AOPEP: variants seen among roughly 807,000 people sequenced by gnomAD.
AOPEP encodes aminopeptidase O.
Under a neutral mutation model 98.1 loss-of-function variants are expected in AOPEP, and 77 were observed. The observed-to-expected ratio is 0.78, with a 90% confidence interval of 0.65 to 0.95. AOPEP has a LOEUF of 0.95. Among genes scored for constraint, AOPEP ranks in the 40% least tolerant of loss-of-function variants. The pLI is 0.00. For missense variants in AOPEP, 1,024 were observed against 1,024.7 expected (o/e 1.00, Z 0.01); for synonymous variants, 346 against 365.3 (o/e 0.95, Z 0.60).
Position 94,867,932 on chromosome 9 carries a change from A to G in AOPEP, c.1365-56054A>G, listed in dbSNP as rs574386983. 3.9e-5 allele frequency among the ~76,000 whole-genome samples: 6 copies of G among 152,320 alleles called. No individual in the cohort carries two copies. In the South Asian group the frequency reaches 1.2e-3, roughly 32 times the overall value. ...CTATAACTTCAGACCAGCCAGGAAAATGAGAGGCCGGACAGAGTAACATGT... is the reference window on the plus strand; with the variant it reads ...CTATAACTTCAGACCAGCCAGGAAAGTGAGAGGCCGGACAGAGTAACATGT... On this transcript the variant is annotated intron_variant, in intron 5 of 16. Transcript: ENST00000375315.
chr9:94,881,044 G>A lies in AOPEP; in HGVS notation c.1365-42942G>A, dbSNP rs2047523705. 2.0e-5 allele frequency among the ~76,000 whole-genome samples: 3 copies of A among 152,276 alleles called. No individual in the cohort carries two copies. The South Asian group carries it at 6.2e-4, about 32-fold the overall frequency. ...AGCAGGGTTAAGTAGGTTTTAGATG[G>A]AGTAGCATTTTAGATGGAGGTCAGA... On this transcript the variant is annotated intron_variant, in intron 5 of 16. Transcript: ENST00000375315.
intron 13 of AOPEP, among the ~76,000 whole-genome samples, chr9:95,026,669 AACATATGC>A (rs1278584904): frequency 1.3e-5 from 2 of 152,228 alleles, no homozygotes; most frequent in African/African-American, 4.8e-5. Context: ...TTGTTAAATG[AACATATGC>A]TTTTACCTCT....
chr9:94,967,204 A>G (rs1052615204), intron 9 of AOPEP, among the ~76,000 whole-genome samples: 1 of 152,216 alleles, frequency 6.6e-6, no homozygotes, highest in Non-Finnish European at 1.5e-5. Flanking sequence ...TCAAATGTCC[A>G]GTGACCGAGG....
intron 6 of AOPEP, 108 bp from the exon 7 acceptor site, chr9:94,928,316 CA>C (rs1450007051): frequency 5.3e-6 from 4 of 758,540 alleles, no homozygotes. Flanking sequence ...AAGGTGAGAG[CA>C]GGGGCAGGCT....
chr9:95,072,904 T>TAGAA (rs2068653674), intron 14 of AOPEP, among the ~76,000 whole-genome samples: 1 of 152,200 alleles, frequency 6.6e-6, no homozygotes, highest in Non-Finnish European at 1.5e-5. Flanking sequence ...CTCCACTGTG[T>TAGAA]TTCTGAGCCT....
intron 5 of AOPEP, among the ~76,000 whole-genome samples, chr9:94,864,052 C>T (rs546283340): frequency 6.6e-6 from 1 of 152,122 alleles, no homozygotes; most frequent in African/African-American, 2.4e-5. Flanking sequence ...ACACATGGGC[C>T]AATTTGGATG....
At chr9:94,872,277 C>T (rs1588643411) in intron 5 of AOPEP, among the ~76,000 whole-genome samples, 2 of 152,016 alleles carry the variant, frequency 1.3e-5, no homozygotes. Context: ...ATTCTTCAGT[C>T]GTGTTTTTCT....
chr9:95,119,724 T>C, the AOPEP span, among the ~76,000 whole-genome samples: 3 of 152,034 alleles, frequency 2.0e-5, no homozygotes, highest in Admixed American at 2.0e-4. Context: ...TCCTTTCTTA[T>C]TTTTTGAGAT....
chr9:94,956,161 A>T, intron 9 of AOPEP, 146 bp downstream of exon 9: 1 of 569,426 alleles, frequency 1.8e-6, no homozygotes, highest in East Asian at 2.7e-5. Context: ...AAATGGACAC[A>T]AAGAAAGGGT....
intron 13 of AOPEP, among the ~76,000 whole-genome samples, chr9:95,057,465 C>T (rs1010169983): frequency 6.6e-6 from 1 of 152,232 alleles, no homozygotes; most frequent in Non-Finnish European, 1.5e-5. Context: ...CTTTCATTTG[C>T]TTTACAAACA....
chr9:95,111,851 G>A, the AOPEP span, among the ~76,000 whole-genome samples: 1 of 152,180 alleles, frequency 6.6e-6, no homozygotes, highest in Non-Finnish European at 1.5e-5. Flanking sequence ...CAGGACCCCC[G>A]TGAGGCCTGA....
At chr9:94,733,563 C>A (rs1271784507) in intron 1 of AOPEP, among the ~76,000 whole-genome samples, 2 of 152,138 alleles carry the variant, frequency 1.3e-5, no homozygotes, top group African/African-American at 2.4e-5. Context: ...TGTATTTGTT[C>A]TCTAGGTTTA....
At chr9:94,901,210 T>C (rs1311303429) in intron 5 of AOPEP, among the ~76,000 whole-genome samples, 1 of 152,272 alleles carries the variant, frequency 6.6e-6, no homozygotes, top group Non-Finnish European at 1.5e-5. Flanking sequence ...AATTGACTTA[T>C]ACTTATGGCC....
At chr9:94,811,039 A>G (rs1727454993) in intron 5 of AOPEP, among the ~76,000 whole-genome samples, 1 of 152,096 alleles carries the variant, frequency 6.6e-6, no homozygotes, top group Admixed American at 6.5e-5. Flanking sequence ...CCCCTGTCAC[A>G]TGTCTTTAGC....
chr9:94,781,278 A>G (rs753384950), intron 3 of AOPEP, among the ~76,000 whole-genome samples: 1 of 152,182 alleles, frequency 6.6e-6, no homozygotes, highest in East Asian at 1.9e-4. Context: ...TATTGAGCGC[A>G]GAGACCCAAT....
At chr9:95,009,938 GA>G (rs914182718) in intron 13 of AOPEP, among the ~76,000 whole-genome samples, 58 of 139,540 alleles carry the variant, frequency 4.2e-4, no homozygotes, top group Admixed American at 1.0e-3. Flanking sequence ...TCTTTTAAGT[GA>G]AAAAAAAAAA....
chr9:95,126,219 T>A, the AOPEP span, among the ~76,000 whole-genome samples: 1 of 152,242 alleles, frequency 6.6e-6, no homozygotes, highest in Non-Finnish European at 1.5e-5. Context: ...CCCTTTATTC[T>A]GAGCTGAGAA....
At chr9:95,042,050 T>C (rs916882195) in intron 13 of AOPEP, among the ~76,000 whole-genome samples, 1 of 152,108 alleles carries the variant, frequency 6.6e-6, no homozygotes, top group Non-Finnish European at 1.5e-5. Flanking sequence ...CGGTGGCTCA[T>C]GCCTGTAATC....
intron 5 of AOPEP, among the ~76,000 whole-genome samples, chr9:94,857,741 G>A (rs1033518078): frequency 1.3e-5 from 2 of 152,100 alleles, no homozygotes; most frequent in African/African-American, 4.8e-5. Flanking sequence ...GCAAGTACAG[G>A]CTTATCATTT....
Sources: gnomAD v4.1 joint callset for allele counts (sites outside exome capture counted in the v4.1 genomes callset) on GRCh38, gnomAD v4.1.1 for gene constraint, MANE v1.5 for transcripts, NCBI Gene and HGNC (gene_info 2026-07-23, HGNC 2026-07-21) for gene names.